Variants in PDZRN3 observed in about 807,000 individuals in gnomAD.
PDZRN3 encodes PDZ domain containing ring finger 3.
In PDZRN3, 38 loss-of-function variants were observed where a neutral mutation model predicts 85.7. The ratio of observed to expected loss-of-function variants is 0.44; its 90% confidence interval spans 0.34 to 0.58. The LOEUF (loss-of-function observed/expected upper bound fraction) is 0.58, where lower values mean the gene tolerates loss of function less well. PDZRN3 is among the 20% of genes least tolerant of loss of function. The pLI is 0.01. For missense variants in PDZRN3, 1,629 were observed against 1,506.4 expected (o/e 1.08, Z -1.35); for synonymous variants, 759 against 638.0 (o/e 1.19, Z -2.86).
intron 1 of PDZRN3, chr3:73,623,902 C>G (rs1702910814): frequency 2.1e-6 from 1 of 484,672 alleles, no homozygotes; most frequent in African/African-American, 2.0e-5. Flanking sequence ...TACGTCTAGA[C>G]TATAAAGGAC....
At chr3:73,532,695 A>G (rs1704686473) in intron 3 of PDZRN3, among the ~76,000 whole-genome samples, 1 of 152,214 alleles carries the variant, frequency 6.6e-6, no homozygotes, top group Admixed American at 6.5e-5. Flanking sequence ...TTGCATCTAG[A>G]AACAACCAAG....
chr3:73,563,416 C>T (rs954845767), intron 3 of PDZRN3, among the ~76,000 whole-genome samples: 1 of 150,452 alleles, frequency 6.6e-6, no homozygotes, highest in Non-Finnish European at 1.5e-5. Flanking sequence ...CTAAGCAGAC[C>T]CGTAGAAGGA....
At chr3:73,560,597 G>T (rs569166221) in intron 3 of PDZRN3, among the ~76,000 whole-genome samples, 1 of 152,296 alleles carries the variant, frequency 6.6e-6, no homozygotes, top group African/African-American at 2.4e-5. Flanking sequence ...ATCATTCAAA[G>T]GGTTGTTTAA....
intron 3 of PDZRN3, among the ~76,000 whole-genome samples, chr3:73,412,289 C>A (rs984045866): frequency 6.6e-6 from 1 of 152,114 alleles, no homozygotes; most frequent in Non-Finnish European, 1.5e-5. Flanking sequence ...TCATATTGGT[C>A]TCATAAATAC....
intron 3 of PDZRN3, among the ~76,000 whole-genome samples, chr3:73,536,951 A>G (rs1022831518): frequency 2.6e-5 from 4 of 152,072 alleles, no homozygotes; most frequent in Non-Finnish European, 5.9e-5. Context: ...GAGGCCTCCT[A>G]TTTTGTACTC....
Position 73,384,502 on chromosome 3 carries a change from C to T in PDZRN3, c.2064G>A (p.Leu688=), listed in dbSNP as rs752950507. ...PESVDKELEL[L]NEELRSIELE... ...GCTCGATGCTGCGCAGCTCTTCGTTCAGCAGCTCCAGCTCCTTGTCCACGC... is the reference window on the plus strand; with the variant it reads ...GCTCGATGCTGCGCAGCTCTTCGTTTAGCAGCTCCAGCTCCTTGTCCACGC... The change falls in exon 10 of 10, where the codon CTG becomes CTA. Residue 688 remains leucine, a synonymous_variant. Transcript: ENST00000263666. 1 of 1,613,662 alleles carries T rather than the reference C, an allele frequency of 6.2e-7. No homozygotes were observed.
At chr3:73,461,124 T>A (rs2106865297) in intron 3 of PDZRN3, among the ~76,000 whole-genome samples, 1 of 152,264 alleles carries the variant, frequency 6.6e-6, no homozygotes, top group African/African-American at 2.4e-5. Flanking sequence ...TATTATTCAT[T>A]GTAGTGGAAG....
Position 73,384,366 on chromosome 3 carries a change from C to T in PDZRN3, c.2200G>A (p.Asp734Asn). Residue 734 changes from aspartate (D) to asparagine (N), a missense_variant, in exon 10 of 10, where the codon GAC (aspartate) becomes AAC (asparagine). By Grantham distance (23) the Asp-to-Asn change is conservative. Transcript: ENST00000263666. ...TCTGAGAGCTCGTGTCTGCGCACGTCGATGCTGGTGTTGTAGTTGCGGAAG... is the reference window on the plus strand; with the variant it reads ...TCTGAGAGCTCGTGTCTGCGCACGTTGATGCTGGTGTTGTAGTTGCGGAAG... ...SGFRNYNTSI[D>N]VRRHELSDIT... The T allele has an allele frequency of 6.2e-7, 1 of 1,609,500 alleles. No individual in the cohort carries two copies. Among genetic ancestry groups the T allele is most frequent in the South Asian group, 1.1e-5 (1 of 91,076 alleles).
intron 3 of PDZRN3, among the ~76,000 whole-genome samples, chr3:73,452,285 G>A (rs1031590045): frequency 6.6e-6 from 1 of 152,038 alleles, no homozygotes; most frequent in African/African-American, 2.4e-5. Flanking sequence ...GTCTCAAATA[G>A]GGGTGGGGTC....
intron 3 of PDZRN3, among the ~76,000 whole-genome samples, chr3:73,468,539 C>T (rs1238476446): frequency 2.6e-5 from 4 of 151,844 alleles, no homozygotes; most frequent in African/African-American, 4.8e-5. Context: ...CATGAGAATG[C>T]TTAATGTTTG....
At chr3:73,502,820 TG>T (rs1320305738) in intron 3 of PDZRN3, among the ~76,000 whole-genome samples, 2 of 152,224 alleles carry the variant, frequency 1.3e-5, no homozygotes, top group African/African-American at 2.4e-5. Flanking sequence ...TCATTGAGAC[TG>T]CAGCCCTCCT....
At chr3:73,615,683 C>T (rs552382062) in intron 1 of PDZRN3, among the ~76,000 whole-genome samples, 1 of 152,214 alleles carries the variant, frequency 6.6e-6, no homozygotes, top group Non-Finnish European at 1.5e-5. Flanking sequence ...TCCTAGCCTC[C>T]AAAATTACGA....
chr3:73,472,251 T>C (rs1158946352), intron 3 of PDZRN3, among the ~76,000 whole-genome samples: 1 of 152,182 alleles, frequency 6.6e-6, no homozygotes, highest in Admixed American at 6.5e-5. Flanking sequence ...AATCTGCCCA[T>C]AGGGGCTCAC....
At chr3:73,394,746 C>T (rs1326405205) in intron 5 of PDZRN3, among the ~76,000 whole-genome samples, 1 of 152,144 alleles carries the variant, frequency 6.6e-6, no homozygotes, top group Admixed American at 6.5e-5. Context: ...CACAGGATAC[C>T]ACTTAGCCTT....
intron 3 of PDZRN3, among the ~76,000 whole-genome samples, chr3:73,467,283 A>G (rs564481920): frequency 1.3e-5 from 2 of 152,344 alleles, no homozygotes; most frequent in East Asian, 3.9e-4. Context: ...CATATAATTG[A>G]CAATCAACTG....
At chr3:73,433,920 A>G (rs1267750717) in intron 3 of PDZRN3, 5 of 1,418,578 alleles carry the variant, frequency 3.5e-6, no homozygotes, top group South Asian at 1.5e-5. Flanking sequence ...GCATGCATGC[A>G]CGCGCGTGCA....
chr3:73,491,592 CCT>C (rs1703772430), intron 3 of PDZRN3, among the ~76,000 whole-genome samples: 1 of 117,514 alleles, frequency 8.5e-6, no homozygotes, highest in African/African-American at 3.1e-5. Context: ...GTGGAAGGTT[CCT>C]TTTTTTTTTT....
chr3:73,387,086 C>T (rs1701410981), intron 8 of PDZRN3, among the ~76,000 whole-genome samples: 1 of 152,244 alleles, frequency 6.6e-6, no homozygotes, highest in Non-Finnish European at 1.5e-5. Context: ...TCTCATCTCT[C>T]TTCCCTGCTG....
At chr3:73,439,931 G>GT (rs61422743) in intron 3 of PDZRN3, among the ~76,000 whole-genome samples, 32,053 of 151,734 alleles carry the variant, frequency 0.21, 6,922 homozygotes, top group African/African-American at 0.56. Flanking sequence ...TAGAGTTGGG[G>GT]TTCACCATAT....
Sources: allele counts gnomAD v4.1 joint callset (sites outside exome capture counted in the v4.1 genomes callset), GRCh38; gene constraint gnomAD v4.1.1; transcripts MANE v1.5; gene names NCBI Gene and HGNC (gene_info 2026-07-23, HGNC 2026-07-21).